GALNT13: variants seen among roughly 807,000 people sequenced by gnomAD.
GALNT13 encodes the protein polypeptide N-acetylgalactosaminyltransferase 13.
GALNT13 carries 28 observed loss-of-function variants against 64.2 expected under a neutral mutation model. That is an observed-to-expected ratio of 0.44 (90% CI 0.32 to 0.60). The LOEUF (loss-of-function observed/expected upper bound fraction) is 0.60, where lower values mean the gene tolerates loss of function less well. Among genes scored for constraint, GALNT13 ranks in the 20% least tolerant of loss-of-function variants. GALNT13 has a pLI of 0.05. For missense variants in GALNT13, 577 were observed against 669.8 expected, an observed-to-expected ratio of 0.86 and a Z score of 1.53; for synonymous variants, 214 against 224.6, an observed-to-expected ratio of 0.95 and a Z score of 0.42.
chr2:153,737,282 G>T, the GALNT13 span, among the ~76,000 whole-genome samples: 3 of 152,072 alleles, frequency 2.0e-5, no homozygotes, highest in Non-Finnish European at 4.4e-5. Context: ...TTTTTTAATG[G>T]TTCGATTTTG....
intron 3 of GALNT13, among the ~76,000 whole-genome samples, chr2:154,036,034 AATAAG>A (rs1268399925): frequency 1.2e-4 from 19 of 152,150 alleles, no homozygotes; most frequent in Middle Eastern, 6.8e-3. Context: ...ACTTGTTTCT[AATAAG>A]AGCTGATTGG....
At chr2:153,807,992 A>C in the GALNT13 span, among the ~76,000 whole-genome samples, 1 of 152,174 alleles carries the variant, frequency 6.6e-6, no homozygotes, top group Non-Finnish European at 1.5e-5. Context: ...TTTCAACTGA[A>C]TTATCAACTT....
intron 4 of GALNT13, among the ~76,000 whole-genome samples, chr2:154,231,443 G>A (rs1242691379): frequency 6.6e-6 from 1 of 151,864 alleles, no homozygotes; most frequent in South Asian, 2.1e-4. Flanking sequence ...GATGGATTTT[G>A]TTTTGTTTTG....
the GALNT13 span, among the ~76,000 whole-genome samples, chr2:153,179,381 T>C: frequency 6.6e-6 from 1 of 152,220 alleles, no homozygotes. Context: ...GGTTCATTTC[T>C]GCATTCTCTA....
At chr2:153,563,493 A>T in the GALNT13 span, among the ~76,000 whole-genome samples, 1 of 151,986 alleles carries the variant, frequency 6.6e-6, no homozygotes, top group Non-Finnish European at 1.5e-5. Flanking sequence ...ATATTGAGTG[A>T]TATGGATTTT....
the GALNT13 span, among the ~76,000 whole-genome samples, chr2:153,622,689 T>C: frequency 0.16 from 23,847 of 152,214 alleles, 1,980 homozygotes; most frequent in African/African-American, 0.19. Flanking sequence ...TTTACTGAAT[T>C]GTACACAATT....
chr2:154,069,029 C>A (rs1256395489), intron 3 of GALNT13, among the ~76,000 whole-genome samples: 1 of 151,684 alleles, frequency 6.6e-6, no homozygotes, highest in Non-Finnish European at 1.5e-5. Context: ...AATATATACT[C>A]CTACTAAATA....
intron 4 of GALNT13, among the ~76,000 whole-genome samples, chr2:154,227,785 C>T (rs964331331): frequency 2.0e-5 from 3 of 152,006 alleles, no homozygotes; most frequent in Non-Finnish European, 2.9e-5. Flanking sequence ...CCCGTTTGCA[C>T]CTGCAGTACT....
the GALNT13 span, among the ~76,000 whole-genome samples, chr2:153,079,035 A>G: frequency 6.6e-6 from 1 of 152,132 alleles, no homozygotes; most frequent in African/African-American, 2.4e-5. Flanking sequence ...ATTCTAAAAT[A>G]TAGGTTTTGT....
At chr2:153,462,796 T>C in the GALNT13 span, among the ~76,000 whole-genome samples, 8 of 152,242 alleles carry the variant, frequency 5.3e-5, no homozygotes, top group African/African-American at 1.4e-4. Context: ...TCTATAAATA[T>C]GAAAGCGATG....
the GALNT13 span, among the ~76,000 whole-genome samples, chr2:153,535,028 G>C: frequency 0.091 from 13,871 of 151,984 alleles, 697 homozygotes; most frequent in Middle Eastern, 0.16. Context: ...AATTTTTGGG[G>C]GGTGGTATGG....
chr2:153,754,755 C>A, the GALNT13 span, among the ~76,000 whole-genome samples: 2 of 152,104 alleles, frequency 1.3e-5, no homozygotes, highest in African/African-American at 4.8e-5. Flanking sequence ...TAGGACTCAC[C>A]TAAAAGTTGT....
intron 9 of GALNT13, among the ~76,000 whole-genome samples, chr2:154,356,369 G>T (rs1249226358): frequency 6.6e-6 from 1 of 151,910 alleles, no homozygotes; most frequent in Non-Finnish European, 1.5e-5. Context: ...AATTTGCTCA[G>T]ATTGGATTTT....
chr2:154,085,760 A>C (rs1701489909), intron 3 of GALNT13, among the ~76,000 whole-genome samples: 1 of 151,980 alleles, frequency 6.6e-6, no homozygotes, highest in Non-Finnish European at 1.5e-5. Context: ...CATTCTTAAA[A>C]TTTCTTTTCT....
intron 3 of GALNT13, among the ~76,000 whole-genome samples, chr2:153,994,097 G>A (rs1019387411): frequency 6.6e-6 from 1 of 152,026 alleles, no homozygotes; most frequent in Admixed American, 6.6e-5. Flanking sequence ...CCCAGTGTGT[G>A]ATGTTCCCCT....
the GALNT13 span, among the ~76,000 whole-genome samples, chr2:153,636,062 T>C: frequency 2.0e-5 from 3 of 152,114 alleles, no homozygotes; most frequent in Non-Finnish European, 2.9e-5. Context: ...ATTTGGTGAT[T>C]ACATTTTTAG....
At chr2:153,387,875 A>T in the GALNT13 span, among the ~76,000 whole-genome samples, 1 of 152,114 alleles carries the variant, frequency 6.6e-6, no homozygotes, top group African/African-American at 2.4e-5. Flanking sequence ...TAAGGAAAAG[A>T]GAAATAACAC....
chr2:153,590,696 C>A, the GALNT13 span, among the ~76,000 whole-genome samples: 1 of 152,062 alleles, frequency 6.6e-6, no homozygotes, highest in East Asian at 1.9e-4. Context: ...TTGGTACATA[C>A]ATCAACAGAA....
the GALNT13 span, among the ~76,000 whole-genome samples, chr2:153,527,534 C>T: frequency 9.2e-5 from 14 of 152,108 alleles, no homozygotes; most frequent in Admixed American, 6.6e-4. Flanking sequence ...AAAGGGAATA[C>T]TTTGATCAGA....
Sources: allele counts gnomAD v4.1 joint callset (sites outside exome capture counted in the v4.1 genomes callset), GRCh38; gene constraint gnomAD v4.1.1; transcripts MANE v1.5; gene names NCBI Gene and HGNC (gene_info 2026-07-23, HGNC 2026-07-21).